Variants in ADCY9 observed in about 807,000 individuals in gnomAD.
ADCY9 encodes the protein adenylate cyclase type 9.
In ADCY9, 50 loss-of-function variants were observed where a neutral mutation model predicts 101.5. The observed-to-expected ratio is 0.49, with a 90% CI of 0.39 to 0.62. ADCY9 has a LOEUF of 0.62. Ranked by LOEUF, ADCY9 falls within the 20% of genes least tolerant of loss-of-function variation. The pLI is 0.00. For synonymous variants in ADCY9, 905 were observed against 769.3 expected (o/e 1.18, Z -2.92); for missense variants, 1,662 against 1,800.4 (o/e 0.92, Z 1.39).
chr16:3,966,975 CA>C lies in ADCY9; in HGVS notation c.2871-10del. On this transcript the variant is annotated splice_polypyrimidine_tract_variant and intron_variant, in intron 10 of 10. Coordinates refer to ENST00000294016, the MANE Select transcript of ADCY9 (RefSeq NM_001116.4). ...ACGGGTTCCTCTCGGAACTGGAGAG[CA>C]AAGACACGGGAAAGGGAGAGGTTAC... is the stretch of plus-strand genomic sequence containing the variant. The C allele has an allele frequency of 6.2e-7, 1 of 1,602,916 alleles. No homozygotes were observed. The highest frequency in any genetic ancestry group is 8.5e-7 in the Non-Finnish European group (1 of 1,173,556).
chr16:4,049,210 C>G (rs1483198419), intron 2 of ADCY9, among the ~76,000 whole-genome samples: 6 of 152,240 alleles, frequency 3.9e-5, no homozygotes, highest in Admixed American at 3.9e-4. Flanking sequence ...CGGCCACGCA[C>G]AGCGTGGGCA....
Position 4,115,499 on chromosome 16 carries a change from G to C in ADCY9, c.-43-14C>G, listed in dbSNP as rs954041427. ...GGTCACCAGTACCTGCCAGCAAAACGGGGAGAGTTAGCGGCGCTCCCACCT... is the reference window on the plus strand; with the variant it reads ...GGTCACCAGTACCTGCCAGCAAAACCGGGAGAGTTAGCGGCGCTCCCACCT... On this transcript the variant is annotated splice_polypyrimidine_tract_variant and intron_variant, in intron 1 of 10. Coordinates refer to ENST00000294016, the MANE Select transcript of ADCY9 (RefSeq NM_001116.4). The surrounding 1 kb of genome is among the most constrained non-coding windows in gnomAD (Gnocchi z 6.2). 1.8e-5 allele frequency: 26 copies of C among 1,469,394 alleles called. No homozygotes were observed. Among genetic ancestry groups the C allele is most frequent in the Non-Finnish European group, 2.2e-5 (25 of 1,111,784 alleles). 91.0% of individuals were successfully genotyped at this position (1,469,394 alleles called of 1,614,324 possible). A position where few individuals can be genotyped will look rare whatever the true frequency, so the allele number is the denominator to read the frequency against.
intron 2 of ADCY9, among the ~76,000 whole-genome samples, chr16:4,043,091 C>T (rs974613287): frequency 1.3e-5 from 2 of 152,112 alleles, no homozygotes; most frequent in Admixed American, 6.5e-5. Flanking sequence ...ATTAGCCGGG[C>T]GTGGTGGCGG....
At chr16:3,980,961 T>C (rs2056137378) in intron 7 of ADCY9, among the ~76,000 whole-genome samples, 1 of 152,136 alleles carries the variant, frequency 6.6e-6, no homozygotes, top group Admixed American at 6.5e-5. Context: ...GGGCGGGGCC[T>C]GGGCCAGTCA....
At chr16:4,010,639 C>T (rs1336673327) in intron 2 of ADCY9, among the ~76,000 whole-genome samples, 1 of 152,128 alleles carries the variant, frequency 6.6e-6, no homozygotes, top group African/African-American at 2.4e-5. Context: ...GCCAAGAGGA[C>T]AAGCAGGTAT....
At chr16:4,028,584 G>C (rs1350703001) in intron 2 of ADCY9, among the ~76,000 whole-genome samples, 1 of 152,170 alleles carries the variant, frequency 6.6e-6, no homozygotes, top group Non-Finnish European at 1.5e-5. Context: ...TTTGTGGTTT[G>C]GGACTGGAAG....
chr16:4,055,572 A>G lies in ADCY9; in HGVS notation c.1694-48014T>C, dbSNP rs190690097. Among the ~76,000 whole-genome samples the G allele has an allele frequency of 3.4e-3, 513 of 151,568 alleles. 2 individuals carry two copies. The highest frequency in any genetic ancestry group is 0.012 in the African/African-American group (494 of 41,334). On this transcript the variant is annotated intron_variant, in intron 2 of 10. Coordinates refer to ENST00000294016, the MANE Select transcript of ADCY9 (RefSeq NM_001116.4). ...AAAAAGGCCAGACGCGGTGGCTCAC[A>G]CCTACAATCCCAGCACTTTGGGAGG...
intron 2 of ADCY9, among the ~76,000 whole-genome samples, chr16:4,026,829 G>A (rs8053479): frequency 0.1 from 15,297 of 152,262 alleles, 866 homozygotes; most frequent in Middle Eastern, 0.14. Flanking sequence ...TGGGTCGGCA[G>A]GGGCCTGGAG....
At chr16:4,041,910 C>T (rs978871511) in intron 2 of ADCY9, among the ~76,000 whole-genome samples, 4 of 145,718 alleles carry the variant, frequency 2.7e-5, no homozygotes, top group African/African-American at 1.0e-4. Flanking sequence ...TGCCACTGCC[C>T]CCAGCTAAGT....
At chr16:3,959,337 G>C (rs1396244527), downstream of ADCY9, among the ~76,000 whole-genome samples, 2 of 147,168 alleles carry the variant, frequency 1.4e-5, no homozygotes, top group African/African-American at 5.1e-5. Context: ...ATTCCAGCTT[G>C]GATGACAGAG....
intron 10 of ADCY9, among the ~76,000 whole-genome samples, chr16:3,969,613 T>TATATATATATG (rs1491520639): frequency 2.6e-4 from 21 of 80,972 alleles, no homozygotes; most frequent in East Asian, 4.4e-4. Context: ...TATATATGTA[T>TATATATATATG]TTTTTTTTTT....
chr16:4,013,598 A>C (rs181484229), intron 2 of ADCY9, among the ~76,000 whole-genome samples: 1 of 152,264 alleles, frequency 6.6e-6, no homozygotes, highest in Non-Finnish European at 1.5e-5. Context: ...AGAGGCAATC[A>C]GCTTGGGCTG....
At chr16:3,997,930 T>G (rs1415270540) in intron 3 of ADCY9, among the ~76,000 whole-genome samples, 1 of 152,036 alleles carries the variant, frequency 6.6e-6, no homozygotes, top group Non-Finnish European at 1.5e-5. Flanking sequence ...CCTGTCTCTA[T>G]TAAAAATACA....
At chr16:4,041,040 G>A (rs185893508) in intron 2 of ADCY9, among the ~76,000 whole-genome samples, 1 of 152,134 alleles carries the variant, frequency 6.6e-6, no homozygotes, top group Non-Finnish European at 1.5e-5. Flanking sequence ...AAAGACCACA[G>A]GAGATAAAGC....
chr16:3,975,130 C>A (rs1384940411), intron 9 of ADCY9, among the ~76,000 whole-genome samples: 1 of 152,170 alleles, frequency 6.6e-6, no homozygotes, highest in Non-Finnish European at 1.5e-5. Flanking sequence ...AAAAGCCCCG[C>A]AGCCATGACT....
rs180865625 is a variant in ADCY9 at position 3,985,225 on chromosome 16, C to T, written c.2311-1785G>A. On this transcript the variant is annotated intron_variant, in intron 6 of 10. Transcript: ENST00000294016. ...CGCGATCTTGGCTCACTGCAACCTC[C>T]GCCTCCCAGGTTCAAGCAATTCTCC... Among the ~76,000 whole-genome samples the T allele has an allele frequency of 1.0e-3, 153 of 151,300 alleles. 3 individuals carry two copies. The East Asian group carries it at 0.012, about 12-fold the overall frequency.
intron 6 of ADCY9, among the ~76,000 whole-genome samples, chr16:3,987,482 G>A (rs1012747930): frequency 2.0e-5 from 3 of 152,206 alleles, no homozygotes; most frequent in East Asian, 1.9e-4. Flanking sequence ...CTTGCTCAGC[G>A]TCAGCTCTTT....
intron 2 of ADCY9, among the ~76,000 whole-genome samples, chr16:4,014,126 C>T (rs1206924815): frequency 6.6e-6 from 1 of 152,096 alleles, no homozygotes; most frequent in Non-Finnish European, 1.5e-5. Flanking sequence ...TGAGACCAGC[C>T]TGGCCAACAT....
At chr16:4,015,184 G>A (rs1471242014) in intron 2 of ADCY9, among the ~76,000 whole-genome samples, 5 of 151,598 alleles carry the variant, frequency 3.3e-5, no homozygotes, top group East Asian at 1.9e-4. Flanking sequence ...CTCATGATCC[G>A]CCCACCTCAG....
Sources: allele counts gnomAD v4.1 joint callset (sites outside exome capture counted in the v4.1 genomes callset), GRCh38; gene constraint gnomAD v4.1.1; non-coding constraint Gnocchi (gnomAD v3.1); transcripts MANE v1.5; gene names NCBI Gene and HGNC (gene_info 2026-07-23, HGNC 2026-07-21).